NUBP1: variants seen among roughly 807,000 people sequenced by gnomAD.
NUBP1 encodes the protein cytosolic Fe-S cluster assembly factor NUBP1.
A neutral mutation model predicts 41.8 loss-of-function variants in NUBP1; 46 were observed. The observed-to-expected ratio is 1.10, with a 90% CI of 0.87 to 1.41. The LOEUF (loss-of-function observed/expected upper bound fraction) is 1.41. Ranked by LOEUF, NUBP1 falls within the 40% of genes most tolerant of loss-of-function variation. The pLI is 0.00. For synonymous variants in NUBP1, 189 were observed against 154.6 expected (o/e 1.22, Z -1.65); for missense variants, 494 against 414.0 (o/e 1.19, Z -1.68).
rs1449947886 is a variant in NUBP1, at chr16:10,749,079, G to C, written c.258+1803G>C. Among the ~76,000 whole-genome samples, 2 of 142,328 alleles carry C rather than the reference G, an allele frequency of 1.4e-5. No individual in the cohort carries two copies. The highest frequency in any genetic ancestry group is 5.4e-5 in the African/African-American group (2 of 37,378). 93.4% of individuals were successfully genotyped at this position (142,328 alleles called of 152,430 possible). A position where few individuals can be genotyped will look rare whatever the true frequency, so the allele number is the denominator to read the frequency against. ...GCACTCCAGCCTGGGTGACAGACAA[G>C]ACTCCATTTAAAAAAAAAAAAGGAT... On this transcript the variant is annotated intron_variant, in intron 3 of 10. Transcript: ENST00000283027. This position sits in a 1 kb window ranked among gnomAD's most constrained non-coding sequence, Gnocchi z 4.1.
At chr16:10,764,012 C>T (rs1311601257) in intron 9 of NUBP1, among the ~76,000 whole-genome samples, 1 of 151,976 alleles carries the variant, frequency 6.6e-6, no homozygotes, top group Non-Finnish European at 1.5e-5. Flanking sequence ...GCATCTCAGC[C>T]CACAGGAGTA....
chr16:10,752,587 C>T, intron 3 of NUBP1, 23 bp from the exon 4 acceptor site: 1 of 1,607,484 alleles, frequency 6.2e-7, no homozygotes, highest in Non-Finnish European at 8.5e-7. Flanking sequence ...TATATAACCG[C>T]TTTGGTCTCT....
chr16:10,769,042 T>C lies in NUBP1; in HGVS notation c.905-5T>C. 1 of 1,614,044 alleles carries C rather than the reference T, an allele frequency of 6.2e-7. No individual in the cohort carries two copies. On this transcript the variant is annotated splice_polypyrimidine_tract_variant and splice_region_variant and intron_variant, in intron 10 of 10. Coordinates refer to ENST00000283027, the MANE Select transcript of NUBP1 (RefSeq NM_002484.4). ...GCACTCTATGCCTGTCGTCTTGTTT[T>C]CCAGGAATCCAAGAGTTTTGTAATC...
intron 7 of NUBP1, among the ~76,000 whole-genome samples, chr16:10,760,680 T>G (rs2142742384): frequency 6.6e-6 from 1 of 152,220 alleles, no homozygotes; most frequent in East Asian, 1.9e-4. Context: ...AAGGCTGCAG[T>G]GAGCAATGAT....
At chr16:10,769,007 C>T (rs766203356) in intron 10 of NUBP1, 40 bp from the exon 11 acceptor site, 7 of 1,586,394 alleles carry the variant, frequency 4.4e-6, no homozygotes, top group South Asian at 3.3e-5. Flanking sequence ...AAGGGGTAGA[C>T]AAGCCATTAG....
intron 8 of NUBP1, 40 bp from the exon 9 acceptor site, chr16:10,761,716 CA>C (rs753391157): frequency 2.0e-6 from 3 of 1,527,638 alleles, no homozygotes; most frequent in Admixed American, 1.8e-5. Context: ...TGTGATTCTG[CA>C]AAAAAATTAT....
rs1308592306 is a variant in NUBP1, at chr16:10,767,162, G to A, written c.821-787G>A. On this transcript the variant is annotated intron_variant, in intron 9 of 10. Coordinates refer to ENST00000283027, the MANE Select transcript of NUBP1 (RefSeq NM_002484.4). The surrounding 1 kb of genome is among the most constrained non-coding windows in gnomAD (Gnocchi z 4.6). ...TTCGCCAGCAGCTCAGGCCTGGGGAGTGGGCAGAGCAAGCTGATGGCAGGT... is the reference window on the plus strand; with the variant it reads ...TTCGCCAGCAGCTCAGGCCTGGGGAATGGGCAGAGCAAGCTGATGGCAGGT... The A allele has an allele frequency of 7.5e-6, 3 of 399,372 alleles. No homozygotes were observed. The East Asian group carries it at 1.1e-4, about 14-fold the overall frequency. The allele number at this position is 399,372 out of a possible 1,614,324, so 24.7% of individuals were successfully genotyped here. A position where few individuals can be genotyped will look rare whatever the true frequency, so the allele number is the denominator to read the frequency against.
At chr16:10,758,099 C>G (rs1344720336) in intron 7 of NUBP1, 72 bp downstream of exon 7, 3 of 1,542,838 alleles carry the variant, frequency 1.9e-6, no homozygotes, top group Non-Finnish European at 2.7e-6. Context: ...CTACCTGGCT[C>G]TGATACTCTG....
At chr16:10,758,840 C>T (rs1268201658) in intron 7 of NUBP1, among the ~76,000 whole-genome samples, 2 of 152,194 alleles carry the variant, frequency 1.3e-5, no homozygotes, top group South Asian at 2.1e-4. Flanking sequence ...CAGCAACCCT[C>T]TGTAGCAGTC....
intron 9 of NUBP1, among the ~76,000 whole-genome samples, chr16:10,762,308 C>G (rs921980230): frequency 3.3e-5 from 5 of 152,142 alleles, no homozygotes; most frequent in Admixed American, 2.6e-4. Context: ...CGGGACAGAC[C>G]GGAACGCGGA....
rs370121643 is a variant in NUBP1, at chr16:10,747,127, T to C, written c.125-16T>C. ...GGTGTGGGACCTCATCCCCTGAACTTTGGTTTTCTTTGCAGCTATAGAGGA... is the reference window on the plus strand; with the variant it reads ...GGTGTGGGACCTCATCCCCTGAACTCTGGTTTTCTTTGCAGCTATAGAGGA... On this transcript the variant is annotated splice_polypyrimidine_tract_variant and intron_variant, in intron 2 of 10. Coordinates refer to ENST00000283027, the MANE Select transcript of NUBP1 (RefSeq NM_002484.4). 1 of 1,613,530 alleles carries C rather than the reference T, an allele frequency of 6.2e-7. No individual in the cohort carries two copies. The highest frequency in any genetic ancestry group is 1.7e-5 in the Admixed American group (1 of 59,964).
chr16:10,744,189 C>A, intron 2 of NUBP1, 124 bp downstream of exon 2: 1 of 896,320 alleles, frequency 1.1e-6, no homozygotes, highest in Non-Finnish European at 1.6e-6. Flanking sequence ...GTATTGTATT[C>A]GGAGAGGGGT....
rs1255515233 is a variant in NUBP1, at chr16:10,766,868, A to G, written c.821-1081A>G. On this transcript the variant is annotated intron_variant, in intron 9 of 10. Transcript: ENST00000283027. This position sits in a 1 kb window ranked among gnomAD's most constrained non-coding sequence, Gnocchi z 4.8. ...CAAAGTCATTTACGGCATACGTCCT[A>G]TGGAGAGGACATTTCCTGTTATGGC... 2.5e-6 allele frequency: 1 copy of G among 398,366 alleles called. No individual in the cohort carries two copies. The highest frequency in any genetic ancestry group is 4.4e-6 in the Non-Finnish European group (1 of 226,086). The allele number at this position is 398,366 out of a possible 1,614,324, so 24.7% of individuals were successfully genotyped here. A position where few individuals can be genotyped will look rare whatever the true frequency, so the allele number is the denominator to read the frequency against.
intron 2 of NUBP1, among the ~76,000 whole-genome samples, chr16:10,746,732 T>G (rs906830309): frequency 4.6e-5 from 7 of 151,640 alleles, no homozygotes; most frequent in Admixed American, 2.0e-4. Context: ...AGAGCAACAC[T>G]CTGTCTCAAA....
Position 10,765,327 on chromosome 16 carries a change from T to TA in NUBP1, c.821-2600dup, listed in dbSNP as rs533208449. On this transcript the variant is annotated intron_variant, in intron 9 of 10. Transcript: ENST00000283027. This position sits in a 1 kb window ranked among gnomAD's most constrained non-coding sequence, Gnocchi z 4.0. ...TAACACAGGAAGATACCTCATCTCT[T>TA]AAAAAAAAAAAAAAAAAAAAAAGGA... Among the ~76,000 whole-genome samples the TA allele has an allele frequency of 0.28, 30,733 of 110,968 alleles. 4,403 individuals carry two copies. Among genetic ancestry groups the TA allele is most frequent in the East Asian group, 0.44 (1,649 of 3,708 alleles). 72.8% of individuals were successfully genotyped at this position (110,968 alleles called of 152,430 possible).
At chr16:10,755,319 T>C (rs936053559) in intron 4 of NUBP1, among the ~76,000 whole-genome samples, 4 of 152,206 alleles carry the variant, frequency 2.6e-5, no homozygotes, top group African/African-American at 7.2e-5. Context: ...ATCAGCTGTT[T>C]CGTGAGAGCT....
At chr16:10,756,572 G>A in intron 5 of NUBP1, 118 bp from the exon 6 acceptor site, 1 of 607,494 alleles carries the variant, frequency 1.6e-6, no homozygotes, top group Non-Finnish European at 2.8e-6. Context: ...AGGTCACATG[G>A]TAGTTTTGTC....
chr16:10,763,077 C>T (rs1255015349), intron 9 of NUBP1, among the ~76,000 whole-genome samples: 1 of 152,030 alleles, frequency 6.6e-6, no homozygotes, highest in Admixed American at 6.6e-5. Context: ...AAGGTTGTCC[C>T]TGCTGCCAGT....
rs1439380316 is a variant in NUBP1, at chr16:10,769,187, G to A, written c.*82G>A. ...CATCCAGCCAGACCCGACCAGCTCCGGGATGGGGTGGGTCACAGCAAAAGG... is the reference window on the plus strand; with the variant it reads ...CATCCAGCCAGACCCGACCAGCTCCAGGATGGGGTGGGTCACAGCAAAAGG... On this transcript the variant is annotated 3_prime_UTR_variant, in exon 11 of 11. Transcript: ENST00000283027. The A allele has an allele frequency of 2.4e-5, 31 of 1,267,528 alleles. No homozygotes were observed. Among genetic ancestry groups the A allele is most frequent in the Admixed American group, 3.5e-5 (2 of 57,440 alleles). 78.5% of individuals were successfully genotyped at this position (1,267,528 alleles called of 1,614,324 possible). A position where few individuals can be genotyped will look rare whatever the true frequency, so the allele number is the denominator to read the frequency against.
Sources: gnomAD v4.1 joint callset for allele counts (sites outside exome capture counted in the v4.1 genomes callset) on GRCh38, gnomAD v4.1.1 for gene constraint, Gnocchi (gnomAD v3.1) non-coding constraint, MANE v1.5 for transcripts, NCBI Gene and HGNC (gene_info 2026-07-23, HGNC 2026-07-21) for gene names.